Variants in RPA1 observed in about 807,000 individuals in gnomAD.
RPA1 encodes replication protein A 70 kDa DNA-binding subunit.
Under a neutral mutation model 83.0 loss-of-function variants are expected in RPA1, and 49 were observed. The ratio of observed to expected loss-of-function variants is 0.59; its 90% confidence interval spans 0.47 to 0.75. The LOEUF is 0.75. RPA1 is among the 30% of genes least tolerant of loss of function. RPA1 has a pLI of 0.00. For synonymous variants in RPA1, 279 were observed against 281.8 expected, an observed-to-expected ratio of 0.99 and a Z score of 0.10; for missense variants, 693 against 776.1, an observed-to-expected ratio of 0.89 and a Z score of 1.27.
chr17:1,836,143 T>G (rs1442732991), intron 1 of RPA1, among the ~76,000 whole-genome samples: 1 of 146,412 alleles, frequency 6.8e-6, no homozygotes, highest in African/African-American at 2.4e-5. Context: ...TGAGGCAGAG[T>G]TTCCTCCTGT....
At chr17:1,894,707 A>T (rs1914331816) in intron 15 of RPA1, among the ~76,000 whole-genome samples, 1 of 152,204 alleles carries the variant, frequency 6.6e-6, no homozygotes, top group South Asian at 2.1e-4. Flanking sequence ...GAATGGAGAC[A>T]CACTGTTCAT....
At chr17:1,861,699 A>G (rs1912977867) in intron 5 of RPA1, among the ~76,000 whole-genome samples, 2 of 150,594 alleles carry the variant, frequency 1.3e-5, no homozygotes, top group Admixed American at 6.6e-5. Flanking sequence ...ACTTCACGCT[A>G]TGGGAGATTA....
At position 1,879,663 on chromosome 17, in the gene RPA1, C is replaced by T. The variant is rs2230930; in HGVS notation, c.1056C>T (p.Ser352=). 283,609 of 1,613,966 alleles carry T rather than the reference C, an allele frequency of 0.18. 28,214 individuals are homozygous for T. The highest frequency in any genetic ancestry group is 0.39 in the East Asian group (17,342 of 44,874). Reference sequence around the variant, plus strand: ...GGAATATCTACTTGATGGACACATCCGGGAAGGTGGTGACTGCTACACTGT... The same window carrying T: ...GGAATATCTACTTGATGGACACATCTGGGAAGGTGGTGACTGCTACACTGT... ...AKRNIYLMDT[S]GKVVTATLWG... The change falls in exon 11 of 17, where the codon TCC becomes TCT. Residue 352 remains serine (S), a synonymous_variant. Transcript: ENST00000254719.
chr17:1,879,336 A>G lies in RPA1; in HGVS notation c.881A>G (p.His294Arg), dbSNP rs1285526444. 1.9e-6 allele frequency: 3 copies of G among 1,614,054 alleles called. No homozygotes were observed. The East Asian group carries it at 6.7e-5, about 36-fold the overall frequency. ...TSVMPCEDDH[H>R]LPTVQFDFTG... is the part of the protein sequence containing the mutation. ...GTCATGCCCTGTGAGGACGACCATC[A>G]TTTACCTACGGTTCAGTTTGATTTC... is the stretch of plus-strand genomic sequence containing the variant. The change falls in exon 10 of 17, where the codon CAT (histidine) becomes CGT (arginine). Residue 294 changes from histidine (H) to arginine (R), a missense_variant. Coordinates refer to ENST00000254719, the MANE Select transcript of RPA1 (RefSeq NM_002945.5).
chr17:1,839,902 C>T (rs1048865670), intron 1 of RPA1, among the ~76,000 whole-genome samples: 36 of 148,506 alleles, frequency 2.4e-4, no homozygotes, highest in African/African-American at 8.7e-4. Flanking sequence ...AAACAATCCT[C>T]CTGCCTCAGC....
At chr17:1,832,333 A>C (rs1397589539) in intron 1 of RPA1, among the ~76,000 whole-genome samples, 3 of 151,956 alleles carry the variant, frequency 2.0e-5, no homozygotes, top group Admixed American at 6.6e-5. Flanking sequence ...GACTTCCCTT[A>C]CTAGGCTAAA....
chr17:1,838,433 G>A (rs778852605), intron 1 of RPA1, among the ~76,000 whole-genome samples: 22 of 151,858 alleles, frequency 1.4e-4, no homozygotes, highest in Non-Finnish European at 2.2e-4. Flanking sequence ...GAGAAATCCC[G>A]TCTCTACTAA....
chr17:1,872,708 C>CTTTTTTTTTTTTTTTTTTTTTTTT (rs34892322), intron 6 of RPA1, among the ~76,000 whole-genome samples, 182 bp downstream of exon 6: 3 of 113,054 alleles, frequency 2.7e-5, no homozygotes, highest in Non-Finnish European at 5.4e-5. Context: ...TAAAGATTGT[C>CTTTTTTTTTTTTTTTTTTTTTTTT]TTTTTTTTTT....
chr17:1,869,538 CAA>C (rs10543474), intron 5 of RPA1, among the ~76,000 whole-genome samples: 90,045 of 146,898 alleles, frequency 0.61, 28,988 homozygotes, highest in Non-Finnish European at 0.75. Flanking sequence ...GACTACGTCT[CAA>C]AAAAAAAAAA....
intron 1 of RPA1, among the ~76,000 whole-genome samples, chr17:1,831,470 A>G (rs1216378453): frequency 2.6e-5 from 4 of 151,966 alleles, no homozygotes; most frequent in African/African-American, 4.8e-5. Context: ...TCCACTCAGC[A>G]TACGTTCCTG....
intron 5 of RPA1, among the ~76,000 whole-genome samples, chr17:1,854,429 G>A (rs1414253815): frequency 6.6e-6 from 1 of 152,184 alleles, no homozygotes; most frequent in African/African-American, 2.4e-5. Flanking sequence ...ACCAGGTACG[G>A]TACCTCACAC....
chr17:1,872,282 T>C, intron 5 of RPA1, 152 bp from the exon 6 acceptor site: 1 of 1,162,118 alleles, frequency 8.6e-7, no homozygotes, highest in Non-Finnish European at 1.2e-6. Context: ...ATTCACCGAG[T>C]GCCATGGAAT....
Position 1,897,707 on chromosome 17 carries a change from C to T in RPA1, c.*532C>T, listed in dbSNP as rs1332192392. ...ACATAGTTGGTAATGCTTGGAATGGCAATAGGGTAGAATGATTAATCAAAG... is the reference window on the plus strand; with the variant it reads ...ACATAGTTGGTAATGCTTGGAATGGTAATAGGGTAGAATGATTAATCAAAG... On this transcript the variant is annotated 3_prime_UTR_variant, in exon 17 of 17. Transcript: ENST00000254719. 2 of 158,328 alleles carry T rather than the reference C, an allele frequency of 1.3e-5. No homozygotes were observed. The allele number at this position is 158,328 out of a possible 1,614,324, so 9.8% of individuals were successfully genotyped here.
rs1184688083 is a variant in RPA1 at position 1,898,429 on chromosome 17, CTG to C, written c.*1260_*1261del. ...TTCAGTCAGCAAAAGCATGCTCGCTCTGTGTGTTCCTAATCATATTAATTATC... is the reference window on the plus strand; with the variant it reads ...TTCAGTCAGCAAAAGCATGCTCGCTCTGTGTTCCTAATCATATTAATTATC... On this transcript the variant is annotated 3_prime_UTR_variant, in exon 17 of 17. Coordinates refer to ENST00000254719, the MANE Select transcript of RPA1 (RefSeq NM_002945.5). 1.3e-5 allele frequency: 2 copies of C among 152,242 alleles called. No homozygotes were observed. The highest frequency in any genetic ancestry group is 2.9e-5 in the Non-Finnish European group (2 of 68,050). 9.4% of individuals were successfully genotyped at this position (152,242 alleles called of 1,614,324 possible).
Position 1,891,907 on chromosome 17 carries a change from A to G in RPA1, c.1626A>G (p.Gln542=). ...FQESAEAILG[Q]NAAYLGELKD... is the part of the protein sequence containing the mutation. ...AGTCTGCTGAAGCTATCCTTGGACA[A>G]AATGCTGCTTATCTTGGGGAATTAA... Residue 542 remains glutamine, a synonymous_variant, in exon 15 of 17, where the codon CAA becomes CAG. Transcript: ENST00000254719. 1 of 1,608,648 alleles carries G rather than the reference A, an allele frequency of 6.2e-7. No individual in the cohort carries two copies. The highest frequency in any genetic ancestry group is 8.5e-7 in the Non-Finnish European group (1 of 1,175,812).
At chr17:1,856,139 C>T (rs1912683633) in intron 5 of RPA1, among the ~76,000 whole-genome samples, 1 of 152,062 alleles carries the variant, frequency 6.6e-6, no homozygotes. Context: ...GCCTGCGCAA[C>T]ATGATAAAAC....
intron 5 of RPA1, among the ~76,000 whole-genome samples, chr17:1,861,198 T>A (rs1336738760): frequency 6.6e-6 from 1 of 152,152 alleles, no homozygotes; most frequent in Non-Finnish European, 1.5e-5. Context: ...GAGTTCTCTG[T>A]GTACAGCCCT....
chr17:1,839,639 T>G (rs1911965560), intron 1 of RPA1, among the ~76,000 whole-genome samples: 1 of 151,762 alleles, frequency 6.6e-6, no homozygotes, highest in African/African-American at 2.4e-5. Context: ...AGCTTCATTT[T>G]TTTTTTTTTT....
rs962348322 is a variant in RPA1 at position 1,867,155 on chromosome 17, CT to C, written c.362-5271del. Reference sequence around the variant, plus strand: ...GCTAAATTATTAAATTGACACATCACTTTTTTTTGCAGTAGTAACGTTTTGT... The same window carrying C: ...GCTAAATTATTAAATTGACACATCACTTTTTTTGCAGTAGTAACGTTTTGT... On this transcript the variant is annotated intron_variant, in intron 5 of 16. Coordinates refer to ENST00000254719, the MANE Select transcript of RPA1 (RefSeq NM_002945.5). Among the ~76,000 whole-genome samples, 6 of 151,852 alleles carry C rather than the reference CT, an allele frequency of 4.0e-5. 1 individual carries two copies. In the East Asian group the frequency reaches 9.6e-4, roughly 24 times the overall value.
Sources: allele counts gnomAD v4.1 joint callset (sites outside exome capture counted in the v4.1 genomes callset), GRCh38; gene constraint gnomAD v4.1.1; transcripts MANE v1.5; gene names NCBI Gene and HGNC (gene_info 2026-07-23, HGNC 2026-07-21).